Variants in EYS observed in about 807,000 individuals in gnomAD.
The protein encoded by EYS is EGF-like photoreceptor maintenance factor.
In EYS, 250 loss-of-function variants were observed where a neutral mutation model predicts 282.1. The ratio of observed to expected loss-of-function variants is 0.89; its 90% CI spans 0.80 to 0.98. The LOEUF (loss-of-function observed/expected upper bound fraction) is 0.98. EYS is among the 50% of genes least tolerant of loss of function. EYS has a pLI of 0.00. For synonymous variants in EYS, 1,355 were observed against 1,282.9 expected, an observed-to-expected ratio of 1.06 and a Z score of -1.20; for missense variants, 4,016 against 3,709.0, an observed-to-expected ratio of 1.08 and a Z score of -2.15.
intron 22 of EYS, among the ~76,000 whole-genome samples, chr6:64,753,151 A>T (rs1772819550): frequency 2.0e-5 from 3 of 152,148 alleles, no homozygotes; most frequent in Admixed American, 2.0e-4. Flanking sequence ...AAACACACAG[A>T]AGTATAACTC....
intron 19 of EYS, among the ~76,000 whole-genome samples, chr6:64,866,767 G>A (rs1983808): frequency 0.71 from 107,426 of 151,494 alleles, 38,529 homozygotes; most frequent in Admixed American, 0.76. Context: ...GTTCTGCTAT[G>A]AAACAAATAC....
intron 8 of EYS, among the ~76,000 whole-genome samples, chr6:65,368,438 G>A (rs1765004605): frequency 6.6e-6 from 1 of 151,430 alleles, no homozygotes; most frequent in African/African-American, 2.4e-5. Context: ...ATTGTTTGCT[G>A]CCTAGGAAAG....
chr6:64,133,935 A>G (rs114665619), intron 31 of EYS, among the ~76,000 whole-genome samples: 4,261 of 152,070 alleles, frequency 0.028, 63 homozygotes, highest in Non-Finnish European at 0.045. Flanking sequence ...ACGAATGCTA[A>G]GGGAAGCTTC....
chr6:64,652,700 A>G (rs1025924291), intron 22 of EYS, among the ~76,000 whole-genome samples: 1 of 152,242 alleles, frequency 6.6e-6, no homozygotes, highest in African/African-American at 2.4e-5. Context: ...GCAATATGAA[A>G]CTAATACCAT....
chr6:65,530,947 A>C (rs142710939), intron 2 of EYS, among the ~76,000 whole-genome samples: 1 of 152,158 alleles, frequency 6.6e-6, no homozygotes, highest in Non-Finnish European at 1.5e-5. Context: ...TTGCCTACAA[A>C]ATTTTAATAT....
At chr6:63,998,335 C>T (rs1222036700) in intron 34 of EYS, among the ~76,000 whole-genome samples, 1 of 152,054 alleles carries the variant, frequency 6.6e-6, no homozygotes, top group Non-Finnish European at 1.5e-5. Context: ...TTATTATGTG[C>T]TTCTTTTGGA....
At chr6:64,562,122 CA>C (rs1765414820) in intron 26 of EYS, among the ~76,000 whole-genome samples, 1 of 151,740 alleles carries the variant, frequency 6.6e-6, no homozygotes, top group South Asian at 2.1e-4. Flanking sequence ...TTCAAAGTAT[CA>C]GGCCTTCTTA....
chr6:64,490,073 T>C lies in EYS; in HGVS notation c.5645-50721A>G, dbSNP rs979854817. 4.6e-5 allele frequency among the ~76,000 whole-genome samples: 7 copies of C among 150,878 alleles called. No homozygotes were observed. In the Admixed American group the frequency reaches 4.6e-4, roughly 10 times the overall value. On this transcript the variant is annotated intron_variant, in intron 26 of 42. Coordinates refer to ENST00000503581, the MANE Select transcript of EYS (RefSeq NM_001142800.2). ...TAGAATGTTTATTCATTTAAAAAAC[T>C]CTGTCTCTCTATAGCATGAATTGAA...
At chr6:63,774,666 A>G (rs556857074) in intron 40 of EYS, among the ~76,000 whole-genome samples, 3 of 152,280 alleles carry the variant, frequency 2.0e-5, no homozygotes, top group South Asian at 2.1e-4. Flanking sequence ...GAGCCATTCC[A>G]CAATGTATAT....
intron 22 of EYS, among the ~76,000 whole-genome samples, chr6:64,813,155 T>G (rs80222833): frequency 0.025 from 3,786 of 151,946 alleles, 153 homozygotes; most frequent in African/African-American, 0.085. Flanking sequence ...AGGGATGATT[T>G]AACTGGGAAA....
At chr6:65,048,145 T>C (rs1773156669) in intron 13 of EYS, among the ~76,000 whole-genome samples, 1 of 151,918 alleles carries the variant, frequency 6.6e-6, no homozygotes, top group Non-Finnish European at 1.5e-5. Context: ...AACATTTTGA[T>C]AAACAAATCT....
chr6:64,685,246 T>C (rs1770049636), intron 22 of EYS, among the ~76,000 whole-genome samples: 1 of 152,186 alleles, frequency 6.6e-6, no homozygotes, highest in Non-Finnish European at 1.5e-5. Flanking sequence ...AATATGCACA[T>C]ACTTAAAAGA....
intron 31 of EYS, among the ~76,000 whole-genome samples, chr6:64,185,544 G>A (rs534203685): frequency 5.9e-5 from 9 of 152,150 alleles, no homozygotes; most frequent in South Asian, 2.1e-4. Context: ...ATGTAGACAC[G>A]GAAAGGCTAC....
intron 22 of EYS, among the ~76,000 whole-genome samples, chr6:64,734,035 A>T (rs1213636536): frequency 2.0e-5 from 3 of 151,896 alleles, no homozygotes; most frequent in African/African-American, 2.4e-5. Flanking sequence ...AACAAACGAA[A>T]CCCTTAGATG....
chr6:64,454,345 TTG>T (rs1320034785), intron 26 of EYS, among the ~76,000 whole-genome samples: 1 of 152,122 alleles, frequency 6.6e-6, no homozygotes, highest in East Asian at 1.9e-4. Context: ...TTCTTCAGGG[TTG>T]TGTTGTTTTA....
At chr6:65,480,783 A>T (rs1333978047) in intron 5 of EYS, among the ~76,000 whole-genome samples, 1 of 152,188 alleles carries the variant, frequency 6.6e-6, no homozygotes, top group South Asian at 2.1e-4. Context: ...GGTCATAAAA[A>T]GAATGGAATC....
At chr6:65,627,142 C>T (rs1024567818) in intron 2 of EYS, among the ~76,000 whole-genome samples, 2 of 152,088 alleles carry the variant, frequency 1.3e-5, no homozygotes, top group African/African-American at 4.8e-5. Flanking sequence ...ACAGTATTTA[C>T]TTTAAGTCTG....
At chr6:64,367,354 C>T (rs1561953741) in intron 29 of EYS, among the ~76,000 whole-genome samples, 1 of 151,870 alleles carries the variant, frequency 6.6e-6, no homozygotes. Flanking sequence ...TATCTAATAG[C>T]AAGGAAACCC....
At chr6:65,032,033 G>A (rs773514624) in intron 13 of EYS, among the ~76,000 whole-genome samples, 1 of 151,270 alleles carries the variant, frequency 6.6e-6, no homozygotes, top group Non-Finnish European at 1.5e-5. Flanking sequence ...ATGACAAAAG[G>A]GACATAACCA....
Sources: allele counts gnomAD v4.1 joint callset (sites outside exome capture counted in the v4.1 genomes callset), GRCh38; gene constraint gnomAD v4.1.1; transcripts MANE v1.5; gene names NCBI Gene and HGNC (gene_info 2026-07-23, HGNC 2026-07-21).